Variants in BACH2 observed in about 807,000 individuals in gnomAD.
BACH2 encodes the protein transcription regulator protein BACH2.
In BACH2, 5 loss-of-function variants were observed where a neutral mutation model predicts 61.8. The ratio of observed to expected loss-of-function variants is 0.08; its 90% CI spans 0.04 to 0.17. The LOEUF (loss-of-function observed/expected upper bound fraction) is 0.17, where lower values mean the gene tolerates loss of function less well. Ranked by LOEUF, BACH2 falls within the 10% of genes least tolerant of loss-of-function variation. The pLI, the probability that BACH2 is intolerant of heterozygous loss-of-function variation, is 1.00. For synonymous variants in BACH2, 446 were observed against 440.1 expected (o/e 1.01, Z -0.17); for missense variants, 824 against 1,091.1 (o/e 0.76, Z 3.45).
chr6:89,954,618 T>C (rs939226268), intron 6 of BACH2, among the ~76,000 whole-genome samples: 3 of 151,364 alleles, frequency 2.0e-5, no homozygotes, highest in African/African-American at 7.3e-5. Flanking sequence ...GGGACATCCA[T>C]GGGGATCTGT....
intron 5 of BACH2, among the ~76,000 whole-genome samples, chr6:90,039,064 A>G (rs941823405): frequency 1.3e-5 from 2 of 151,990 alleles, no homozygotes; most frequent in African/African-American, 4.8e-5. Context: ...AAAAGTTTAC[A>G]TACTAAGCCA....
chr6:90,011,340 C>T (rs1777696509), intron 5 of BACH2, among the ~76,000 whole-genome samples: 1 of 152,168 alleles, frequency 6.6e-6, no homozygotes, highest in Non-Finnish European at 1.5e-5. Flanking sequence ...TGTATTTTTA[C>T]TGAAAATCAG....
chr6:90,291,038 T>C (rs986891914), intron 1 of BACH2, among the ~76,000 whole-genome samples: 1 of 152,144 alleles, frequency 6.6e-6, no homozygotes, highest in African/African-American at 2.4e-5. Context: ...AGCAGCAGCA[T>C]GTCCTACAGC....
At chr6:89,978,195 A>G (rs1775758800) in intron 6 of BACH2, among the ~76,000 whole-genome samples, 1 of 152,242 alleles carries the variant, frequency 6.6e-6, no homozygotes, top group African/African-American at 2.4e-5. Context: ...ACAAAGAGAC[A>G]AATTAATCAA....
chr6:90,134,255 C>T (rs1784200303), intron 4 of BACH2, among the ~76,000 whole-genome samples: 3 of 152,216 alleles, frequency 2.0e-5, no homozygotes, highest in African/African-American at 7.2e-5. Context: ...GATGGTATCT[C>T]ATTGTGGTTT....
intron 5 of BACH2, among the ~76,000 whole-genome samples, chr6:90,026,111 A>C (rs564330959): frequency 6.6e-6 from 1 of 152,330 alleles, no homozygotes; most frequent in South Asian, 2.1e-4. Context: ...ATCAAGACTA[A>C]GAAAAGACAA....
intron 1 of BACH2, among the ~76,000 whole-genome samples, chr6:90,282,867 T>G (rs1210473186): frequency 3.3e-5 from 5 of 152,216 alleles, no homozygotes; most frequent in Non-Finnish European, 4.4e-5. Context: ...TTCTTAGGTG[T>G]ATACCTAGGG....
At chr6:90,049,047 A>T (rs187945515) in intron 5 of BACH2, among the ~76,000 whole-genome samples, 6 of 152,340 alleles carry the variant, frequency 3.9e-5, no homozygotes, top group African/African-American at 9.6e-5. Flanking sequence ...AGAGTAAGCA[A>T]AAAATAGCTA....
chr6:90,026,080 A>C (rs201801631), intron 5 of BACH2, among the ~76,000 whole-genome samples: 1 of 152,206 alleles, frequency 6.6e-6, no homozygotes, highest in East Asian at 1.9e-4. Context: ...AAAAAAACCA[A>C]GTCAAAACTC....
At chr6:90,089,610 ATAACT>A (rs933812519) in intron 4 of BACH2, among the ~76,000 whole-genome samples, 60 of 152,278 alleles carry the variant, frequency 3.9e-4, no homozygotes, top group African/African-American at 1.3e-3. Flanking sequence ...ATTTTTTCAG[ATAACT>A]TAATACATGC....
intron 4 of BACH2, among the ~76,000 whole-genome samples, chr6:90,090,220 T>C (rs960221231): frequency 1.4e-4 from 22 of 152,172 alleles, no homozygotes; most frequent in Admixed American, 9.8e-4. Flanking sequence ...TAGAAATACA[T>C]CTTATGTATT....
At chr6:90,244,577 C>T (rs1371902646) in intron 3 of BACH2, among the ~76,000 whole-genome samples, 2 of 152,186 alleles carry the variant, frequency 1.3e-5, no homozygotes, top group Non-Finnish European at 2.9e-5. Flanking sequence ...GTATATTGCT[C>T]ACCTGACAGC....
At chr6:90,141,663 G>A (rs1241159775) in intron 4 of BACH2, among the ~76,000 whole-genome samples, 3 of 152,186 alleles carry the variant, frequency 2.0e-5, no homozygotes, top group African/African-American at 7.2e-5. Context: ...TCTGAGGAAT[G>A]TGATAAAATA....
chr6:90,064,065 C>T (rs985455902), intron 5 of BACH2, among the ~76,000 whole-genome samples: 5 of 152,092 alleles, frequency 3.3e-5, no homozygotes, highest in African/African-American at 9.7e-5. Context: ...AAAAGTCTCC[C>T]TTATGCAAGG....
chr6:90,272,305 T>C (rs1771551404), intron 1 of BACH2, among the ~76,000 whole-genome samples: 1 of 152,092 alleles, frequency 6.6e-6, no homozygotes, highest in African/African-American at 2.4e-5. Flanking sequence ...CTGCTTCGCC[T>C]GTTTCTTTTA....
intron 3 of BACH2, chr6:90,218,174 T>G (rs1383626752): frequency 6.6e-6 from 1 of 152,244 alleles, no homozygotes; most frequent in Non-Finnish European, 1.5e-5. Context: ...AAACTCATTT[T>G]CTGTAAACCA....
At chr6:90,104,654 G>A (rs535693180) in intron 4 of BACH2, among the ~76,000 whole-genome samples, 1 of 152,310 alleles carries the variant, frequency 6.6e-6, no homozygotes, top group South Asian at 2.1e-4. Context: ...AGCTCCCAGG[G>A]TCAGTGTATG....
At chr6:90,287,149 T>G (rs1772044163) in intron 1 of BACH2, among the ~76,000 whole-genome samples, 1 of 152,102 alleles carries the variant, frequency 6.6e-6, no homozygotes, top group African/African-American at 2.4e-5. Context: ...GAGGTGGGAC[T>G]GAAGGGCGTT....
intron 3 of BACH2, among the ~76,000 whole-genome samples, chr6:90,237,678 C>G (rs189437443): frequency 6.6e-6 from 1 of 152,284 alleles, no homozygotes; most frequent in East Asian, 1.9e-4. Context: ...TCTGGAAACA[C>G]TGTAGTCAGC....
Sources: gnomAD v4.1 joint callset for allele counts (sites outside exome capture counted in the v4.1 genomes callset) on GRCh38, gnomAD v4.1.1 for gene constraint, MANE v1.5 for transcripts, NCBI Gene and HGNC (gene_info 2026-07-23, HGNC 2026-07-21) for gene names.